CTDSPL: variants seen among roughly 807,000 people sequenced by gnomAD.
The protein encoded by CTDSPL is CTD small phosphatase-like protein.
Under a neutral mutation model 30.5 loss-of-function variants are expected in CTDSPL, and 8 were observed. That is an observed-to-expected ratio of 0.26 (90% CI 0.15 to 0.47). CTDSPL has a LOEUF of 0.47. Among genes scored for constraint, CTDSPL ranks in the 20% least tolerant of loss-of-function variants. The pLI is 0.99. For missense variants in CTDSPL, 248 were observed against 366.1 expected, an observed-to-expected ratio of 0.68 and a Z score of 2.63; for synonymous variants, 110 against 137.9, an observed-to-expected ratio of 0.80 and a Z score of 1.42.
intron 1 of CTDSPL, among the ~76,000 whole-genome samples, chr3:37,880,959 C>G (rs1698196672): frequency 6.6e-6 from 1 of 150,832 alleles, no homozygotes; most frequent in South Asian, 2.1e-4. Context: ...GAAAAATGCT[C>G]AGCTACACCA....
intron 3 of CTDSPL, among the ~76,000 whole-genome samples, chr3:37,962,647 G>A (rs1450902871): frequency 6.6e-6 from 1 of 152,094 alleles, no homozygotes; most frequent in African/African-American, 2.4e-5. Context: ...GAGATGCTAG[G>A]GTTAGAATTT....
intron 2 of CTDSPL, among the ~76,000 whole-genome samples, chr3:37,952,502 C>G (rs146496191): frequency 6.6e-6 from 1 of 152,346 alleles, no homozygotes; most frequent in East Asian, 1.9e-4. Context: ...AGGGGTGGCA[C>G]TGGCCATGTC....
chr3:37,948,236 A>G (rs544676392), intron 2 of CTDSPL, among the ~76,000 whole-genome samples: 9 of 152,168 alleles, frequency 5.9e-5, no homozygotes, highest in Non-Finnish European at 1.3e-4. Context: ...GTGAGCCAAG[A>G]TCACGCCACT....
chr3:37,958,608 C>T (rs189293729), intron 3 of CTDSPL, among the ~76,000 whole-genome samples: 2 of 152,240 alleles, frequency 1.3e-5, no homozygotes, highest in East Asian at 3.9e-4. Context: ...ACTGAAGAAA[C>T]GGACCCTTTT....
At chr3:37,917,631 C>T (rs566136727) in intron 1 of CTDSPL, among the ~76,000 whole-genome samples, 2 of 152,220 alleles carry the variant, frequency 1.3e-5, no homozygotes, top group South Asian at 2.1e-4. Context: ...CCATTTAGTA[C>T]ACAGTATCAC....
Position 37,952,722 on chromosome 3 carries a change from G to A in CTDSPL, c.235-4389G>A, listed in dbSNP as rs560970239. On this transcript the variant is annotated intron_variant, in intron 2 of 7. Coordinates refer to ENST00000273179, the MANE Select transcript of CTDSPL (RefSeq NM_001008392.2). ...CCATTTGTCACATGGCTATCCAATAGCAACAGGGGAGGAATTTAGCCCAGC... is the reference window on the plus strand; with the variant it reads ...CCATTTGTCACATGGCTATCCAATAACAACAGGGGAGGAATTTAGCCCAGC... Among the ~76,000 whole-genome samples, 19 of 152,310 alleles carry A rather than the reference G, an allele frequency of 1.2e-4. No homozygotes were observed. The South Asian group carries it at 1.4e-3, about 12-fold the overall frequency.
At position 37,867,895 on chromosome 3, in the gene CTDSPL, C is replaced by T. The variant is rs77449289; in HGVS notation, c.79+5617C>T. The stretch of plus-strand genomic sequence containing the variant: ...CTTTAACACATTTATGTTTGTATAG[C>T]CACCATCACAAGCTACAGAACTCGT... On this transcript the variant is annotated intron_variant, in intron 1 of 7. Transcript: ENST00000273179. Among the ~76,000 whole-genome samples the T allele has an allele frequency of 2.0e-5, 3 of 152,230 alleles. No individual in the cohort carries two copies. In the South Asian group the frequency reaches 6.2e-4, roughly 32 times the overall value.
intron 1 of CTDSPL, among the ~76,000 whole-genome samples, chr3:37,902,788 C>T (rs1034635066): frequency 3.9e-5 from 6 of 152,138 alleles, no homozygotes; most frequent in African/African-American, 1.2e-4. Context: ...CAGGGGTCAC[C>T]GGTCACCCGT....
rs78066816 is a variant in CTDSPL, at chr3:37,887,316, T to C, written c.79+25038T>C. On this transcript the variant is annotated intron_variant, in intron 1 of 7. Coordinates refer to ENST00000273179, the MANE Select transcript of CTDSPL (RefSeq NM_001008392.2). The stretch of plus-strand genomic sequence containing the variant: ...GCCTGCCAACTGTCTGCACCACAGG[T>C]TAACCAAACCCAAACTGTCTGCACC... Among the ~76,000 whole-genome samples the C allele has an allele frequency of 3.1e-4, 47 of 152,274 alleles. No individual in the cohort carries two copies. The East Asian group carries it at 9.1e-3, about 29-fold the overall frequency.
intron 4 of CTDSPL, 102 bp from the exon 5 acceptor site, chr3:37,967,724 C>A: frequency 2.6e-6 from 2 of 779,746 alleles, no homozygotes; most frequent in Non-Finnish European, 4.1e-6. Context: ...CTGTTTTTTC[C>A]AATAACCAAA....
At chr3:37,935,511 T>C (rs1698905056) in intron 1 of CTDSPL, among the ~76,000 whole-genome samples, 1 of 152,164 alleles carries the variant, frequency 6.6e-6, no homozygotes, top group South Asian at 2.1e-4. Context: ...CTCATACAAA[T>C]CTGGTTTATG....
chr3:37,938,652 C>T (rs1201627653), intron 1 of CTDSPL, among the ~76,000 whole-genome samples: 1 of 147,724 alleles, frequency 6.8e-6, no homozygotes, highest in Non-Finnish European at 1.5e-5. Context: ...TTGCCCTGAA[C>T]ATTTCATGTT....
Position 37,967,786 on chromosome 3 carries a change from T to C in CTDSPL, c.370-40T>C, listed in dbSNP as rs760263956. 5 of 1,440,626 alleles carry C rather than the reference T, an allele frequency of 3.5e-6. No homozygotes were observed. The South Asian group carries it at 6.4e-5, about 18-fold the overall frequency. 89.2% of individuals were successfully genotyped at this position (1,440,626 alleles called of 1,614,324 possible). On this transcript the variant is annotated intron_variant, in intron 4 of 7. Transcript: ENST00000273179. ...TGCTAAAATTTCCAGAGTTTTTTTG[T>C]TCCTTCAGACATATTAATTATAGTC...
At chr3:37,965,322 T>C (rs1699287629) in intron 4 of CTDSPL, among the ~76,000 whole-genome samples, 1 of 152,178 alleles carries the variant, frequency 6.6e-6, no homozygotes, top group Non-Finnish European at 1.5e-5. Flanking sequence ...TCCATCTTCC[T>C]GCTGGAAAAA....
intron 7 of CTDSPL, 138 bp downstream of exon 7, chr3:37,976,032 G>A (rs1277779811): frequency 2.5e-5 from 23 of 925,450 alleles, no homozygotes; most frequent in Non-Finnish European, 3.0e-5. Context: ...CCATTTAGCA[G>A]TTGCGTGTCA....
Position 37,940,041 on chromosome 3 carries a change from G to A in CTDSPL, c.80-7016G>A, listed in dbSNP as rs566806322. On this transcript the variant is annotated intron_variant, in intron 1 of 7. Transcript: ENST00000273179. ...CGGGAGGCAGAGGTTGCAGTGTGCC[G>A]AGATCGCACCACTGTACTCTAGCCT... 4.0e-5 allele frequency among the ~76,000 whole-genome samples: 6 copies of A among 149,854 alleles called. 1 individual carries two copies. Among genetic ancestry groups the A allele is most frequent in the Admixed American group, 2.0e-4 (3 of 14,934 alleles).
chr3:37,874,707 C>T (rs1043787053), intron 1 of CTDSPL, among the ~76,000 whole-genome samples: 5 of 151,856 alleles, frequency 3.3e-5, no homozygotes, highest in South Asian at 2.1e-4. Flanking sequence ...TCTAGCCTGG[C>T]GACAGAGCGA....
chr3:37,873,826 T>G (rs1698103879), intron 1 of CTDSPL, among the ~76,000 whole-genome samples: 1 of 152,234 alleles, frequency 6.6e-6, no homozygotes, highest in African/African-American at 2.4e-5. Flanking sequence ...CAAGTCTAGA[T>G]CAGTAGGGCA....
intron 1 of CTDSPL, among the ~76,000 whole-genome samples, chr3:37,890,684 A>C (rs1432379950): frequency 6.6e-6 from 1 of 152,182 alleles, no homozygotes; most frequent in Non-Finnish European, 1.5e-5. Flanking sequence ...GGTAGAGCAC[A>C]GAGTCTCCAT....
Sources: allele counts gnomAD v4.1 joint callset (sites outside exome capture counted in the v4.1 genomes callset), GRCh38; gene constraint gnomAD v4.1.1; transcripts MANE v1.5; gene names NCBI Gene and HGNC (gene_info 2026-07-23, HGNC 2026-07-21).